RIMS2: variants seen among roughly 807,000 people sequenced by gnomAD.
RIMS2 encodes regulating synaptic membrane exocytosis protein 2.
RIMS2 carries 59 observed loss-of-function variants against 174.4 expected under a neutral mutation model. That is an observed-to-expected ratio of 0.34 (90% CI 0.27 to 0.42). The LOEUF is 0.42. RIMS2 is among the 10% of genes least tolerant of loss of function. The pLI, the probability that RIMS2 is intolerant of heterozygous loss-of-function variation, is 1.00. For synonymous variants in RIMS2, 606 were observed against 572.5 expected (o/e 1.06, Z -0.84); for missense variants, 1,620 against 1,666.3 (o/e 0.97, Z 0.48).
chr8:103,955,852 C>T (rs908910237), intron 14 of RIMS2, among the ~76,000 whole-genome samples: 2 of 152,100 alleles, frequency 1.3e-5, no homozygotes, highest in African/African-American at 4.8e-5. Context: ...TTAGAAAACC[C>T]CATCATGTCA....
intron 1 of RIMS2, among the ~76,000 whole-genome samples, chr8:103,582,227 A>G (rs1329740803): frequency 6.6e-6 from 1 of 152,106 alleles, no homozygotes; most frequent in Non-Finnish European, 1.5e-5. Context: ...TCAGTCCTGG[A>G]AGCATTCATC....
intron 12 of RIMS2, 41 bp downstream of exon 14, chr8:103,931,434 G>T: frequency 2.1e-6 from 3 of 1,427,310 alleles, no homozygotes; most frequent in Admixed American, 2.2e-5. Context: ...GAAAATAAAT[G>T]AGAAAATGTT....
chr8:103,505,764 A>G (rs1482649921), intron 1 of RIMS2, among the ~76,000 whole-genome samples: 13 of 152,176 alleles, frequency 8.5e-5, no homozygotes, highest in African/African-American at 1.4e-4. Flanking sequence ...GTGTATGGCA[A>G]TCTTTACCAA....
intron 19 of RIMS2, among the ~76,000 whole-genome samples, chr8:104,175,633 A>G (rs1385831777): frequency 6.6e-6 from 1 of 152,190 alleles, no homozygotes; most frequent in African/African-American, 2.4e-5. Flanking sequence ...CTCCAGTTAC[A>G]TTACTGAATA....
intron 19 of RIMS2, among the ~76,000 whole-genome samples, chr8:104,243,602 C>T (rs1369679942): frequency 6.6e-6 from 1 of 152,142 alleles, no homozygotes; most frequent in African/African-American, 2.4e-5. Flanking sequence ...AGGAGAATCA[C>T]TTGAACCCGG....
chr8:104,150,623 C>T (rs138613405), intron 19 of RIMS2, among the ~76,000 whole-genome samples: 1 of 152,012 alleles, frequency 6.6e-6, no homozygotes. Context: ...TAGATAGAAA[C>T]CGTAAGAAAC....
intron 3 of RIMS2, among the ~76,000 whole-genome samples, chr8:103,785,751 C>A (rs2098437573): frequency 6.6e-6 from 1 of 152,178 alleles, no homozygotes; most frequent in African/African-American, 2.4e-5. Flanking sequence ...TTTGTCTCTG[C>A]CTGGCTTTGG....
intron 19 of RIMS2, among the ~76,000 whole-genome samples, chr8:104,166,440 G>A (rs1323877662): frequency 6.6e-6 from 1 of 152,094 alleles, no homozygotes; most frequent in Non-Finnish European, 1.5e-5. Flanking sequence ...AATGAGATAG[G>A]AATGCATGTC....
chr8:103,882,945 C>A (rs1232681341), intron 3 of RIMS2, among the ~76,000 whole-genome samples: 1 of 151,324 alleles, frequency 6.6e-6, no homozygotes, highest in African/African-American at 2.4e-5. Flanking sequence ...AACTTCTATC[C>A]TAAAATACTC....
chr8:104,171,588 G>C (rs528917338), intron 19 of RIMS2, among the ~76,000 whole-genome samples: 1 of 151,660 alleles, frequency 6.6e-6, no homozygotes, highest in Admixed American at 6.6e-5. Context: ...TCACATTTCT[G>C]TTATCTCTTT....
chr8:103,605,172 C>T (rs2094988476), intron 1 of RIMS2, among the ~76,000 whole-genome samples: 1 of 54,850 alleles, frequency 1.8e-5, no homozygotes, highest in African/African-American at 1.5e-4. Context: ...GAGATACATC[C>T]CATCAATACC....
At chr8:103,580,161 C>A (rs1425796220) in intron 1 of RIMS2, among the ~76,000 whole-genome samples, 1 of 152,006 alleles carries the variant, frequency 6.6e-6, no homozygotes, top group Non-Finnish European at 1.5e-5. Context: ...AAACAAGCAA[C>A]AATTGGCAGT....
intron 2 of RIMS2, among the ~76,000 whole-genome samples, chr8:103,719,191 G>A (rs1179285369): frequency 6.6e-6 from 1 of 152,114 alleles, no homozygotes; most frequent in African/African-American, 2.4e-5. Flanking sequence ...TGATGATGAA[G>A]GAAAGGCCAA....
Position 104,166,342 on chromosome 8 carries a change from A to C in RIMS2, c.3335-78574A>C, listed in dbSNP as rs944984456. 4.6e-5 allele frequency among the ~76,000 whole-genome samples: 7 copies of C among 152,178 alleles called. No homozygotes were observed. In the South Asian group the frequency reaches 6.2e-4, roughly 14 times the overall value. On this transcript the variant is annotated intron_variant, in intron 19 of 23. Transcript: ENST00000504942. ...CTGCCTCCCAAAGTGCTGGGATTACAGGCTTGAGCCACCGGGCCCGGCCTG... is the reference window on the plus strand; with the variant it reads ...CTGCCTCCCAAAGTGCTGGGATTACCGGCTTGAGCCACCGGGCCCGGCCTG...
intron 1 of RIMS2, among the ~76,000 whole-genome samples, chr8:103,656,469 A>T (rs2096533159): frequency 6.6e-6 from 1 of 152,138 alleles, no homozygotes; most frequent in African/African-American, 2.4e-5. Flanking sequence ...AAAAATCCTT[A>T]TACCTATCCT....
chr8:104,027,405 C>T (rs1216315004), intron 19 of RIMS2, among the ~76,000 whole-genome samples: 4 of 152,072 alleles, frequency 2.6e-5, no homozygotes, highest in African/African-American at 9.7e-5. Flanking sequence ...TTCTATGCTT[C>T]GAAAGTCCCA....
At chr8:103,592,948 C>T (rs1328788551) in intron 1 of RIMS2, among the ~76,000 whole-genome samples, 1 of 151,340 alleles carries the variant, frequency 6.6e-6, no homozygotes, top group East Asian at 1.9e-4. Flanking sequence ...TCCCACAGAA[C>T]TTGTACAGTT....
intron 2 of RIMS2, among the ~76,000 whole-genome samples, chr8:103,754,051 C>T (rs1430917307): frequency 6.6e-6 from 1 of 152,154 alleles, no homozygotes; most frequent in Admixed American, 6.5e-5. Flanking sequence ...TTCCTGCTTT[C>T]TCTTGTGGGC....
chr8:103,599,103 C>T (rs571150229), intron 1 of RIMS2, among the ~76,000 whole-genome samples: 3 of 152,100 alleles, frequency 2.0e-5, no homozygotes, highest in South Asian at 2.1e-4. Context: ...AACTCTTCTC[C>T]TTCCTCTTTT....
Sources: allele counts gnomAD v4.1 joint callset (sites outside exome capture counted in the v4.1 genomes callset), GRCh38; gene constraint gnomAD v4.1.1; transcripts MANE v1.5; gene names NCBI Gene and HGNC (gene_info 2026-07-23, HGNC 2026-07-21).